The following PHF8 variants were observed in gnomAD, a reference collection of about 807,000 sequenced individuals.
PHF8 encodes PHD finger protein 8.
PHF8 carries 9 observed loss-of-function variants against 74.4 expected under a neutral mutation model. The observed-to-expected ratio is 0.12, with a 90% CI of 0.07 to 0.21. The LOEUF is 0.21. Ranked by LOEUF, PHF8 falls within the 10% of genes least tolerant of loss-of-function variation. The pLI is 1.00. For synonymous variants in PHF8, 311 were observed against 316.6 expected (o/e 0.98, Z 0.19); for missense variants, 478 against 816.6 (o/e 0.59, Z 5.05).
chrX:53,986,247 T>G (rs1239062764), intron 16 of PHF8, among the ~76,000 whole-genome samples: 2 of 112,808 alleles, frequency 1.8e-5, no homozygotes, highest in Non-Finnish European at 3.7e-5. Flanking sequence ...CACTGACTTT[T>G]TATTTTTTGT....
At chrX:54,044,477 A>T, upstream of PHF8, 1 of 720,630 alleles carries the variant, frequency 1.4e-6, no homozygotes, top group Non-Finnish European at 1.6e-6. Flanking sequence ...TCGCGAGGTG[A>T]GCGCGGCGGA....
chrX:54,034,200 A>AGG (rs2146496159), intron 2 of PHF8, among the ~76,000 whole-genome samples: 1 of 111,967 alleles, frequency 8.9e-6, no homozygotes, highest in Non-Finnish European at 1.9e-5. Flanking sequence ...CTACAGGACT[A>AGG]CAACAAAAGA....
chrX:54,031,131 T>C (rs2066348271), intron 2 of PHF8, among the ~76,000 whole-genome samples: 1 of 111,631 alleles, frequency 9.0e-6, no homozygotes, highest in African/African-American at 3.3e-5. Context: ...CTCTACTATA[T>C]CACTACAATA....
intron 14 of PHF8, among the ~76,000 whole-genome samples, chrX:53,992,261 T>C (rs1254179973): frequency 8.9e-6 from 1 of 112,283 alleles, no homozygotes; most frequent in African/African-American, 3.2e-5. Context: ...CATCATTTAT[T>C]TATCTAGCCC....
At chrX:53,955,305 C>A (rs782424768) in intron 19 of PHF8, among the ~76,000 whole-genome samples, 1 of 110,596 alleles carries the variant, frequency 9.0e-6, no homozygotes, top group Non-Finnish European at 1.9e-5. Flanking sequence ...TCTTGAACTC[C>A]TAGGCTCAAA....
rs963894900 is a variant in PHF8 at position 54,037,541 on chromosome X, A to C, written c.98+5090T>G. Among the ~76,000 whole-genome samples the C allele has an allele frequency of 3.4e-4, 38 of 112,378 alleles. 1 individual carries two copies. Among genetic ancestry groups the C allele is most frequent in the Admixed American group, 9.4e-5 (1 of 10,586 alleles). On this transcript the variant is annotated intron_variant, in intron 2 of 21. Coordinates refer to ENST00000338154, the MANE Select transcript of PHF8 (RefSeq NM_015107.3). ...GGATTATAGGCATGAATGACATCACATGCCCAGCCTGATACATTTTTAGTA... is the reference window on the plus strand; with the variant it reads ...GGATTATAGGCATGAATGACATCACCTGCCCAGCCTGATACATTTTTAGTA...
intron 6 of PHF8, among the ~76,000 whole-genome samples, chrX:54,016,319 C>T (rs782748270): frequency 5.4e-5 from 6 of 110,158 alleles, no homozygotes; most frequent in Non-Finnish European, 1.1e-4. Context: ...CATGGTGAAA[C>T]CCCATCTCTA....
chrX:54,039,493 A>T (rs2066517694), intron 2 of PHF8: 1 of 112,194 alleles, frequency 8.9e-6, no homozygotes, highest in African/African-American at 3.2e-5. Flanking sequence ...GTACACAGAA[A>T]CACACAACTC....
intron 6 of PHF8, among the ~76,000 whole-genome samples, chrX:54,015,575 CAAAAAAA>C (rs202093690): frequency 3.0e-5 from 1 of 33,046 alleles, no homozygotes; most frequent in Admixed American, 4.1e-4. Context: ...AACTCCGTCT[CAAAAAAA>C]AAAAAAAAAA....
intron 2 of PHF8, among the ~76,000 whole-genome samples, chrX:54,042,348 T>C (rs1258588940): frequency 2.7e-5 from 2 of 74,586 alleles, no homozygotes; most frequent in African/African-American, 5.6e-5. Context: ...AATATAAAAA[T>C]GATTCTTTGT....
rs189550295 is a variant in PHF8, at chrX:53,980,594, G to T, written c.2443+4320C>A. 7.1e-4 allele frequency among the ~76,000 whole-genome samples: 79 copies of T among 111,824 alleles called. 1 individual carries two copies. In the South Asian group the frequency reaches 9.8e-3, roughly 14 times the overall value. On this transcript the variant is annotated intron_variant, in intron 18 of 21. Coordinates refer to ENST00000338154, the MANE Select transcript of PHF8 (RefSeq NM_015107.3). ...TGATAGCCCTATCAAACTAATACAG[G>T]ACACACAGATCATCTACCTCAACAA...
At chrX:54,024,903 G>A (rs2066241432) in intron 2 of PHF8, among the ~76,000 whole-genome samples, 2 of 110,769 alleles carry the variant, frequency 1.8e-5, no homozygotes, top group Non-Finnish European at 3.8e-5. Context: ...TTGAGACAGA[G>A]TCTCGCTCTG....
At chrX:54,014,245 G>A (rs1485202582) in intron 7 of PHF8, 132 bp downstream of exon 7, 8 of 522,978 alleles carry the variant, frequency 1.5e-5, no homozygotes, top group Admixed American at 2.7e-5. Flanking sequence ...GTGAGCCACC[G>A]CGCCCGGCCA....
At chrX:53,973,316 TGA>T (rs2065323210) in intron 18 of PHF8, among the ~76,000 whole-genome samples, 1 of 111,564 alleles carries the variant, frequency 9.0e-6, no homozygotes, top group East Asian at 2.8e-4. Flanking sequence ...TCACATTGAA[TGA>T]AAAAAGAGCC....
chrX:53,948,780 T>C (rs2064872099), intron 19 of PHF8, among the ~76,000 whole-genome samples: 1 of 110,846 alleles, frequency 9.0e-6, no homozygotes. Flanking sequence ...TCTCAGCACT[T>C]TGAGAGGCCG....
chrX:53,951,747 C>T (rs185798285), intron 19 of PHF8, among the ~76,000 whole-genome samples: 79 of 110,473 alleles, frequency 7.2e-4, no homozygotes, highest in Non-Finnish European at 1.3e-3. Flanking sequence ...CCACTGTGCC[C>T]GGCCAACGAC....
intron 8 of PHF8, among the ~76,000 whole-genome samples, chrX:54,007,937 C>T (rs1458540558): frequency 3.6e-5 from 4 of 112,210 alleles, no homozygotes; most frequent in Admixed American, 2.8e-4. Context: ...TACGTTCACA[C>T]AATAACTCGT....
At chrX:53,987,427 G>A (rs1022418956) in intron 15 of PHF8, among the ~76,000 whole-genome samples, 2 of 111,764 alleles carry the variant, frequency 1.8e-5, no homozygotes, top group Non-Finnish European at 3.8e-5. Flanking sequence ...AAATGGGCAA[G>A]GGCTGGGCGT....
At chrX:54,032,752 T>C (rs979729588) in intron 2 of PHF8, among the ~76,000 whole-genome samples, 4 of 105,054 alleles carry the variant, frequency 3.8e-5, no homozygotes, top group Admixed American at 1.1e-4. Context: ...ATAGCACATA[T>C]CTGATTTTCC....
Sources: allele counts gnomAD v4.1 joint callset (sites outside exome capture counted in the v4.1 genomes callset), GRCh38; gene constraint gnomAD v4.1.1; transcripts MANE v1.5; gene names NCBI Gene and HGNC (gene_info 2026-07-23, HGNC 2026-07-21).